Variants in ADORA2A observed in about 807,000 individuals in gnomAD.
ADORA2A encodes the protein adenosine A2a receptor.
Under a neutral mutation model 18.4 loss-of-function variants are expected in ADORA2A, and 11 were observed. The ratio of observed to expected loss-of-function variants is 0.60; its 90% CI spans 0.38 to 0.99. ADORA2A has a LOEUF of 0.99. ADORA2A is among the 50% of genes least tolerant of loss of function. ADORA2A has a pLI of 0.01. For missense variants in ADORA2A, 449 were observed against 556.1 expected (o/e 0.81, Z 1.94); for synonymous variants, 218 against 237.3 (o/e 0.92, Z 0.75).
intron 2 of ADORA2A, chr22:24,439,248 A>G (rs2043267741): frequency 6.6e-6 from 1 of 151,472 alleles, no homozygotes; most frequent in African/African-American, 2.4e-5. Flanking sequence ...ACGGCCGGCT[A>G]GTTTTTTTTA....
intron 2 of ADORA2A, among the ~76,000 whole-genome samples, chr22:24,434,809 G>A (rs1400389355): frequency 1.3e-5 from 2 of 152,232 alleles, no homozygotes; most frequent in Non-Finnish European, 2.9e-5. Flanking sequence ...AAAGCCAAGG[G>A]GCCCTTAGAG....
chr22:24,437,285 C>T (rs1240152973), intron 2 of ADORA2A, among the ~76,000 whole-genome samples: 1 of 152,220 alleles, frequency 6.6e-6, no homozygotes, highest in African/African-American at 2.4e-5. Flanking sequence ...GCCTGGGCAC[C>T]CCAGAGTGGT....
chr22:24,435,893 G>C (rs1392994647), intron 2 of ADORA2A, among the ~76,000 whole-genome samples: 1 of 151,714 alleles, frequency 6.6e-6, no homozygotes, highest in East Asian at 1.9e-4. Context: ...CTTCTGCAGG[G>C]GGCCCTGGAG....
intron 1 of ADORA2A, chr22:24,430,966 G>T (rs2043017064): frequency 2.7e-6 from 1 of 368,602 alleles, no homozygotes; most frequent in African/African-American, 2.1e-5. Context: ...ACCTGGGTGG[G>T]AGGCAGCCCG....
At position 24,441,580 on chromosome 22, in the gene ADORA2A, C is replaced by A; in HGVS notation, c.*91C>A. On this transcript the variant is annotated 3_prime_UTR_variant, in exon 3 of 3. Coordinates refer to ENST00000337539, the MANE Select transcript of ADORA2A (RefSeq NM_000675.6). Reference sequence around the variant, plus strand: ...TCACGTTGGGAGAAGAGAGAGAGTGCCAGGAGACCCTGAGGGCAGCCGGTT... The same window carrying A: ...TCACGTTGGGAGAAGAGAGAGAGTGACAGGAGACCCTGAGGGCAGCCGGTT... 7.6e-7 allele frequency: 1 copy of A among 1,309,374 alleles called. No individual in the cohort carries two copies. Among genetic ancestry groups the A allele is most frequent in the Non-Finnish European group, 1.0e-6 (1 of 1,001,006 alleles). 81.1% of individuals were successfully genotyped at this position (1,309,374 alleles called of 1,614,324 possible).
chr22:24,423,908 C>G (rs1396637396), upstream of ADORA2A: 2 of 151,614 alleles, frequency 1.3e-5, no homozygotes, highest in African/African-American at 2.4e-5. Flanking sequence ...CGGCCGGAGC[C>G]GGAGACCCAG....
At position 24,433,219 on chromosome 22, in the gene ADORA2A, T is replaced by C; in HGVS notation, c.-186T>C. ...CCTGGTTTCAGGAGACTCAGAGTCC[T>C]CTGTGAAAAAGCCCTTGGAGAGCGC... is the stretch of plus-strand genomic sequence containing the variant. On this transcript the variant is annotated 5_prime_UTR_variant, in exon 2 of 3. Coordinates refer to ENST00000337539, the MANE Select transcript of ADORA2A (RefSeq NM_000675.6). 1 of 609,680 alleles carries C rather than the reference T, an allele frequency of 1.6e-6. No individual in the cohort carries two copies. Among genetic ancestry groups the C allele is most frequent in the Non-Finnish European group, 2.9e-6 (1 of 345,864 alleles). 37.8% of individuals were successfully genotyped at this position (609,680 alleles called of 1,614,324 possible). A position where few individuals can be genotyped will look rare whatever the true frequency, so the allele number is the denominator to read the frequency against.
chr22:24,433,327 C>A lies in ADORA2A; in HGVS notation c.-78C>A. 1 of 1,403,178 alleles carries A rather than the reference C, an allele frequency of 7.1e-7. No homozygotes were observed. Among genetic ancestry groups the A allele is most frequent in the Non-Finnish European group, 9.7e-7 (1 of 1,035,448 alleles). The allele number at this position is 1,403,178 out of a possible 1,614,324, so 86.9% of individuals were successfully genotyped here. Reference sequence around the variant, plus strand: ...CGCCTGGGCCGGGCTGGGAGCCAGGCGGGCGGCTGGGCTGCAGCAATGGAC... The same window carrying A: ...CGCCTGGGCCGGGCTGGGAGCCAGGAGGGCGGCTGGGCTGCAGCAATGGAC... On this transcript the variant is annotated 5_prime_UTR_variant, in exon 2 of 3. Coordinates refer to ENST00000337539, the MANE Select transcript of ADORA2A (RefSeq NM_000675.6).
chr22:24,424,836 C>T (rs967969613), upstream of ADORA2A, among the ~76,000 whole-genome samples: 3 of 152,130 alleles, frequency 2.0e-5, no homozygotes, highest in Admixed American at 6.5e-5. The surrounding 1 kb of genome is among the most constrained non-coding windows in gnomAD (Gnocchi z 4.9). Context: ...GAGGAGGCCG[C>T]GGGCCGGCAG....
intron 1 of ADORA2A, 158 bp from the exon 2 acceptor site, chr22:24,432,973 G>A: frequency 4.4e-6 from 1 of 228,450 alleles, no homozygotes; most frequent in Non-Finnish European, 8.8e-6. Flanking sequence ...GCTAGGCGGG[G>A]TCAGGGGCCA....
upstream of ADORA2A, among the ~76,000 whole-genome samples, chr22:24,425,712 G>A (rs1315448129): frequency 6.6e-6 from 1 of 152,216 alleles, no homozygotes; most frequent in East Asian, 1.9e-4. Flanking sequence ...CCTGCGTCGC[G>A]ATGGAGGAGG....
chr22:24,429,030 G>A (rs78547002), intron 1 of ADORA2A, among the ~76,000 whole-genome samples: 2,380 of 152,346 alleles, frequency 0.016, 54 homozygotes, highest in African/African-American at 0.055. Flanking sequence ...GTCCGAGTCC[G>A]TGCACTGTGT....
At chr22:24,434,556 C>G (rs1246152472) in intron 2 of ADORA2A, among the ~76,000 whole-genome samples, 2 of 152,236 alleles carry the variant, frequency 1.3e-5, no homozygotes, top group East Asian at 3.9e-4. Flanking sequence ...AGGCCTTCTG[C>G]CCCACCTCCT....
chr22:24,428,635 T>C (rs1438111310), intron 1 of ADORA2A, among the ~76,000 whole-genome samples: 1 of 152,202 alleles, frequency 6.6e-6, no homozygotes, highest in African/African-American at 2.4e-5. Flanking sequence ...TCCTTCCTAC[T>C]GGAATGAATT....
At chr22:24,427,377 G>A (rs1264542944), upstream of ADORA2A, among the ~76,000 whole-genome samples, 1 of 152,164 alleles carries the variant, frequency 6.6e-6, no homozygotes, top group Admixed American at 6.5e-5. Context: ...GGCATTGTGA[G>A]GCCCTGCACC....
At chr22:24,430,731 G>A (rs1000380359) in intron 1 of ADORA2A, among the ~76,000 whole-genome samples, 2 of 152,262 alleles carry the variant, frequency 1.3e-5, no homozygotes, top group Admixed American at 6.5e-5. Context: ...CTTGAATCTG[G>A]AGCGTGGTCT....
At chr22:24,436,206 G>T (rs1465407652) in intron 2 of ADORA2A, among the ~76,000 whole-genome samples, 1 of 152,184 alleles carries the variant, frequency 6.6e-6, no homozygotes, top group Non-Finnish European at 1.5e-5. Flanking sequence ...GTGGGCTCCC[G>T]AGAGCAAGCG....
chr22:24,441,451 G>C lies in ADORA2A; in HGVS notation c.1201G>C (p.Asp401His). 1 of 1,519,854 alleles carries C rather than the reference G, an allele frequency of 6.6e-7. No individual in the cohort carries two copies. The highest frequency in any genetic ancestry group is 8.8e-7 in the Non-Finnish European group (1 of 1,136,068). 94.1% of individuals were successfully genotyped at this position (1,519,854 alleles called of 1,614,324 possible). ...AGTGTGCCCAGAGCCCCCTGGCCTA[G>C]ATGACCCCCTGGCCCAGGATGGAGC... ...KGVCPEPPGL[D>H]DPLAQDGAGV... Residue 401 changes from aspartate to histidine, a missense_variant, in exon 3 of 3, where the codon GAT (aspartate) becomes CAT (histidine). By Grantham distance (81) the Asp-to-His change is moderately conservative. Transcript: ENST00000337539.
intron 1 of ADORA2A, chr22:24,429,947 A>G (rs556249179): frequency 6.6e-6 from 1 of 152,416 alleles, no homozygotes; most frequent in Admixed American, 6.5e-5. Context: ...AGTAGCTTGA[A>G]ACTGGGCACA....
Sources: allele counts gnomAD v4.1 joint callset (sites outside exome capture counted in the v4.1 genomes callset), GRCh38; gene constraint gnomAD v4.1.1; non-coding constraint Gnocchi (gnomAD v3.1); transcripts MANE v1.5; gene names NCBI Gene and HGNC (gene_info 2026-07-23, HGNC 2026-07-21).